The following SNTG1 variants were observed in gnomAD, a reference collection of about 807,000 sequenced individuals.
SNTG1 encodes gamma-1-syntrophin.
A neutral mutation model predicts 74.7 loss-of-function variants in SNTG1; 39 were observed. That is an observed-to-expected ratio of 0.52 (90% CI 0.40 to 0.68). The LOEUF (loss-of-function observed/expected upper bound fraction) is 0.68, where lower values mean the gene tolerates loss of function less well. Ranked by LOEUF, SNTG1 falls within the 30% of genes least tolerant of loss-of-function variation. SNTG1 has a pLI of 0.00. For synonymous variants in SNTG1, 254 were observed against 217.1 expected (o/e 1.17, Z -1.49); for missense variants, 685 against 609.5 (o/e 1.12, Z -1.30).
At chr8:50,587,442 T>C (rs1191403147) in intron 12 of SNTG1, among the ~76,000 whole-genome samples, 1 of 152,198 alleles carries the variant, frequency 6.6e-6, no homozygotes, top group African/African-American at 2.4e-5. Flanking sequence ...AATACTTCAG[T>C]GTATGCTACA....
intron 15 of SNTG1, among the ~76,000 whole-genome samples, chr8:50,681,445 C>T (rs1309198666): frequency 1.3e-5 from 2 of 151,964 alleles, no homozygotes; most frequent in South Asian, 2.1e-4. Flanking sequence ...AAACATATTT[C>T]ATTAGGGTAT....
At chr8:50,637,788 T>C (rs1189874644) in intron 13 of SNTG1, among the ~76,000 whole-genome samples, 1 of 152,104 alleles carries the variant, frequency 6.6e-6, no homozygotes, top group Non-Finnish European at 1.5e-5. Context: ...GTATCTAAAA[T>C]ACATATCTTT....
intron 13 of SNTG1, among the ~76,000 whole-genome samples, chr8:50,602,295 A>C (rs1444166764): frequency 1.3e-5 from 2 of 150,378 alleles, no homozygotes; most frequent in African/African-American, 2.5e-5. Context: ...TATGGTTTTC[A>C]ATTTGAGGTT....
chr8:50,529,969 T>C (rs1000677446), intron 9 of SNTG1, among the ~76,000 whole-genome samples: 2 of 152,022 alleles, frequency 1.3e-5, no homozygotes, highest in Non-Finnish European at 2.9e-5. Flanking sequence ...CAAAGACAAA[T>C]TTTTGTGAGT....
chr8:50,374,476 G>T (rs2092334908), intron 2 of SNTG1, among the ~76,000 whole-genome samples: 1 of 152,040 alleles, frequency 6.6e-6, no homozygotes, highest in Non-Finnish European at 1.5e-5. Flanking sequence ...TTTTTATATG[G>T]GCAGCTCAAC....
At chr8:50,076,229 C>G (rs1252297586) in intron 1 of SNTG1, among the ~76,000 whole-genome samples, 1 of 152,024 alleles carries the variant, frequency 6.6e-6, no homozygotes, top group African/African-American at 2.4e-5. Context: ...TAGTTGAGGT[C>G]AAGCCCTTTT....
At chr8:50,551,159 G>A (rs980007840) in intron 11 of SNTG1, among the ~76,000 whole-genome samples, 1 of 152,018 alleles carries the variant, frequency 6.6e-6, no homozygotes, top group African/African-American at 2.4e-5. Flanking sequence ...CTTAGTAATG[G>A]AGGCCCCAGA....
At chr8:50,578,666 T>A (rs899477473) in intron 12 of SNTG1, among the ~76,000 whole-genome samples, 4 of 152,176 alleles carry the variant, frequency 2.6e-5, no homozygotes, top group African/African-American at 9.6e-5. Context: ...GAGTGAGTTC[T>A]CACAAGATCT....
chr8:50,387,079 A>G (rs545620830), intron 2 of SNTG1, among the ~76,000 whole-genome samples: 40 of 152,284 alleles, frequency 2.6e-4, no homozygotes, highest in African/African-American at 7.0e-4. Context: ...CTAGGGACAC[A>G]TGATCAACTT....
chr8:50,045,441 G>A (rs1036345637), intron 1 of SNTG1, among the ~76,000 whole-genome samples: 3 of 152,076 alleles, frequency 2.0e-5, no homozygotes, highest in African/African-American at 7.2e-5. Context: ...AGACATTATT[G>A]TGAGGACAGC....
chr8:50,331,109 ATG>A (rs1440686886), intron 2 of SNTG1, among the ~76,000 whole-genome samples: 1 of 152,034 alleles, frequency 6.6e-6, no homozygotes, highest in Non-Finnish European at 1.5e-5. Context: ...GGTATTTATC[ATG>A]TGTGTGTGTA....
At chr8:50,520,496 G>T (rs1003583120) in intron 9 of SNTG1, among the ~76,000 whole-genome samples, 1 of 152,138 alleles carries the variant, frequency 6.6e-6, no homozygotes, top group Non-Finnish European at 1.5e-5. Context: ...TAATCAGAGT[G>T]AACAGGCAAC....
chr8:49,948,083 A>G (rs1809368473), intron 1 of SNTG1, among the ~76,000 whole-genome samples: 1 of 152,146 alleles, frequency 6.6e-6, no homozygotes, highest in Admixed American at 6.5e-5. Context: ...GTGAGCTGAG[A>G]TCTTGCCACT....
chr8:50,164,674 G>A (rs779840064), intron 1 of SNTG1, among the ~76,000 whole-genome samples: 9 of 152,092 alleles, frequency 5.9e-5, no homozygotes, highest in South Asian at 2.1e-4. Flanking sequence ...CTAGAAGAGC[G>A]CAAGGTCCCT....
At chr8:50,219,899 G>A (rs954369931) in intron 2 of SNTG1, among the ~76,000 whole-genome samples, 2 of 152,136 alleles carry the variant, frequency 1.3e-5, no homozygotes, top group Admixed American at 1.3e-4. Flanking sequence ...AGTCTAAGAC[G>A]AAACAGACTT....
intron 1 of SNTG1, among the ~76,000 whole-genome samples, chr8:50,145,682 C>T (rs1198329439): frequency 6.6e-6 from 1 of 152,090 alleles, no homozygotes; most frequent in Non-Finnish European, 1.5e-5. Context: ...ATTTTTCTCA[C>T]CCGACAAAGT....
At chr8:49,934,822 C>A (rs890085346) in intron 1 of SNTG1, among the ~76,000 whole-genome samples, 1 of 151,954 alleles carries the variant, frequency 6.6e-6, no homozygotes, top group Non-Finnish European at 1.5e-5. Flanking sequence ...TGGGTTTCTT[C>A]ATGAAACTTC....
At chr8:50,573,310 A>G (rs2094559094) in intron 12 of SNTG1, among the ~76,000 whole-genome samples, 2 of 152,072 alleles carry the variant, frequency 1.3e-5, no homozygotes, top group South Asian at 4.1e-4. Context: ...AAGAAACAGG[A>G]CAATATTTAA....
chr8:50,611,505 T>C (rs887277546), intron 13 of SNTG1, among the ~76,000 whole-genome samples: 5 of 152,192 alleles, frequency 3.3e-5, no homozygotes, highest in African/African-American at 9.6e-5. Flanking sequence ...TTGCTGGAAA[T>C]TTTTATTCAG....
Sources: allele counts gnomAD v4.1 joint callset (sites outside exome capture counted in the v4.1 genomes callset), GRCh38; gene constraint gnomAD v4.1.1; transcripts MANE v1.5; gene names NCBI Gene and HGNC (gene_info 2026-07-23, HGNC 2026-07-21).